SH2D3A: variants seen among roughly 807,000 people sequenced by gnomAD.
SH2D3A encodes the protein SH2 domain containing 3A.
A neutral mutation model predicts 50.6 loss-of-function variants in SH2D3A; 46 were observed. The ratio of observed to expected loss-of-function variants is 0.91; its 90% CI spans 0.72 to 1.16. The LOEUF (loss-of-function observed/expected upper bound fraction) is 1.16. Among genes scored for constraint, SH2D3A ranks in the 50% most tolerant of loss-of-function variants. The pLI, the probability that SH2D3A is intolerant of heterozygous loss-of-function variation, is 0.00. For synonymous variants in SH2D3A, 377 were observed against 348.4 expected, an observed-to-expected ratio of 1.08 and a Z score of -0.91; for missense variants, 783 against 786.2, an observed-to-expected ratio of 1.00 and a Z score of 0.05.
At position 6,753,653 on chromosome 19, in the gene SH2D3A, G is replaced by T. The variant is rs746129589; in HGVS notation, c.1385-12C>A. The stretch of plus-strand genomic sequence containing the variant: ...GGGGTCGCAGGGTCCTGCGGAGGGG[G>T]AGGGTCTGATCAGGGTTTGGGGCTG... On this transcript the variant is annotated splice_polypyrimidine_tract_variant and intron_variant, in intron 8 of 9. Coordinates refer to ENST00000245908, the MANE Select transcript of SH2D3A (RefSeq NM_005490.3). 47 of 1,553,188 alleles carry T rather than the reference G, an allele frequency of 3.0e-5. No individual in the cohort carries two copies. The highest frequency in any genetic ancestry group is 3.7e-5 in the Non-Finnish European group (43 of 1,151,164).
intron 1 of SH2D3A, among the ~76,000 whole-genome samples, chr19:6,765,915 T>C (rs1970282113): frequency 6.6e-6 from 1 of 152,196 alleles, no homozygotes; most frequent in African/African-American, 2.4e-5. Flanking sequence ...GACATTTTGG[T>C]AGTTTCCCGA....
Position 6,756,920 on chromosome 19 carries a change from C to T in SH2D3A, c.497-1605G>A, listed in dbSNP as rs145082762. Among the ~76,000 whole-genome samples, 9 of 152,090 alleles carry T rather than the reference C, an allele frequency of 5.9e-5. No homozygotes were observed. The East Asian group carries it at 1.7e-3, about 29-fold the overall frequency. ...GGAGTCTCACTCTGTCACCAGGCTA[C>T]AGTGCAGTGGCGCCATCTCGGCTTA... On this transcript the variant is annotated intron_variant, in intron 4 of 9. Coordinates refer to ENST00000245908, the MANE Select transcript of SH2D3A (RefSeq NM_005490.3).
chr19:6,755,536 T>C (rs1226615748), intron 4 of SH2D3A, among the ~76,000 whole-genome samples: 1 of 152,022 alleles, frequency 6.6e-6, no homozygotes, highest in Non-Finnish European at 1.5e-5. Flanking sequence ...TCTATAGTTC[T>C]GTAAATTATT....
At chr19:6,753,897 GA>G (rs1969482685) in intron 8 of SH2D3A, among the ~76,000 whole-genome samples, 154 bp downstream of exon 8, 1 of 151,864 alleles carries the variant, frequency 6.6e-6, no homozygotes, top group African/African-American at 2.4e-5. Context: ...GGGGCCTAGG[GA>G]AAGGGCCAGG....
At chr19:6,756,460 TAA>T (rs112582347) in intron 4 of SH2D3A, among the ~76,000 whole-genome samples, 1 of 150,876 alleles carries the variant, frequency 6.6e-6, no homozygotes, top group African/African-American at 2.4e-5. Context: ...TATTTCTTCT[TAA>T]AAAAAAAGAT....
At chr19:6,755,614 C>T (rs897843197) in intron 4 of SH2D3A, among the ~76,000 whole-genome samples, 12 of 149,310 alleles carry the variant, frequency 8.0e-5, no homozygotes, top group Admixed American at 2.7e-4. Flanking sequence ...GTCTGGAATT[C>T]CTAGTCTCAA....
At position 6,752,533 on chromosome 19, in the gene SH2D3A, T is replaced by C; in HGVS notation, c.*60A>G. On this transcript the variant is annotated 3_prime_UTR_variant, in exon 10 of 10. Transcript: ENST00000245908. Reference sequence around the variant, plus strand: ...GAGGAGCCTGGGACGACTCCTTTGGTCTCTTCTGGGGTTCGCAAAAACCTG... The same window carrying C: ...GAGGAGCCTGGGACGACTCCTTTGGCCTCTTCTGGGGTTCGCAAAAACCTG... 7.1e-7 allele frequency: 1 copy of C among 1,403,418 alleles called. No individual in the cohort carries two copies. The highest frequency in any genetic ancestry group is 1.5e-5 in the South Asian group (1 of 66,484). The allele number at this position is 1,403,418 out of a possible 1,614,324, so 86.9% of individuals were successfully genotyped here.
intron 8 of SH2D3A, 39 bp downstream of exon 8, chr19:6,754,013 G>A: frequency 6.5e-7 from 1 of 1,548,124 alleles, no homozygotes; most frequent in East Asian, 2.3e-5. Flanking sequence ...AATTTGGTCT[G>A]GGCCCCCAGG....
rs751156704 is a variant in SH2D3A, at chr19:6,753,509, T to C, written c.1517A>G (p.His506Arg). The C allele has an allele frequency of 1.3e-6, 2 of 1,556,256 alleles. No homozygotes were observed. Among genetic ancestry groups the C allele is most frequent in the Non-Finnish European group, 8.7e-7 (1 of 1,150,492 alleles). ...GAATTTGGGTGCGTCCCGGACCATGTGACGCGCCCCGTGCAGGGTGCGCAA... is the reference window on the plus strand; with the variant it reads ...GAATTTGGGTGCGTCCCGGACCATGCGACGCGCCCCGTGCAGGGTGCGCAA... ...RLLRTLHGAR[H>R]MVRDAPKFRK... The change falls in exon 9 of 10, where the codon CAC becomes CGC. Residue 506 changes from histidine to arginine, a missense_variant. His to Arg is a conservative substitution (Grantham distance 29). Transcript: ENST00000245908.
rs1159499151 is a variant in SH2D3A, at chr19:6,753,175, G to A, written c.1570+281C>T. 3 of 985,194 alleles carry A rather than the reference G, an allele frequency of 3.0e-6. No homozygotes were observed. The African/African-American group carries it at 5.2e-5, about 17-fold the overall frequency. The allele number at this position is 985,194 out of a possible 1,614,324, so 61.0% of individuals were successfully genotyped here. On this transcript the variant is annotated intron_variant, in intron 9 of 9. Coordinates refer to ENST00000245908, the MANE Select transcript of SH2D3A (RefSeq NM_005490.3). ...TTGGGGATCGAGATCCCTGGGGGAC[G>A]GGATCGTCTTAGGTGGGAAGGGGGA...
intron 2 of SH2D3A, among the ~76,000 whole-genome samples, chr19:6,761,489 A>C (rs1970017479): frequency 6.6e-6 from 1 of 152,234 alleles, no homozygotes; most frequent in African/African-American, 2.4e-5. Context: ...TACAGCCACT[A>C]GCTGATGCTG....
chr19:6,752,541 G>A lies in SH2D3A; in HGVS notation c.*52C>T, dbSNP rs911294498. 30 of 1,456,836 alleles carry A rather than the reference G, an allele frequency of 2.1e-5. No individual in the cohort carries two copies. Among genetic ancestry groups the A allele is most frequent in the Non-Finnish European group, 2.6e-5 (28 of 1,095,692 alleles). 90.2% of individuals were successfully genotyped at this position (1,456,836 alleles called of 1,614,324 possible). On this transcript the variant is annotated 3_prime_UTR_variant, in exon 10 of 10. Transcript: ENST00000245908. ...TGGGACGACTCCTTTGGTCTCTTCT[G>A]GGGTTCGCAAAAACCTGGGGGTCCC...
intron 8 of SH2D3A, 40 bp from the exon 9 acceptor site, chr19:6,753,681 GA>G: frequency 3.3e-6 from 5 of 1,495,200 alleles, no homozygotes; most frequent in Non-Finnish European, 4.5e-6. Context: ...TGGGGCTGTA[GA>G]TGGGGCATAG....
rs1267708928 is a variant in SH2D3A at position 6,760,840 on chromosome 19, G to A, written c.217C>T (p.Arg73Ter). 3.7e-6 allele frequency: 6 copies of A among 1,614,126 alleles called. No individual in the cohort carries two copies. Among genetic ancestry groups the A allele is most frequent in the Non-Finnish European group, 5.1e-6 (6 of 1,180,048 alleles). Residue 73 changes from arginine to a stop codon, truncating the protein, a stop_gained, in exon 3 of 10, where the codon CGA (arginine) becomes TGA (stop). Transcript: ENST00000245908. LOFTEE classifies it high-confidence loss of function. ...FRVALRPRPG[R>*]PTALFQLEDE... ...TCCAGTTGAAAGAGGGCTGTGGGTC[G>A]GCCTGGCCGGGGACGCAGGGCCACA...
intron 4 of SH2D3A, among the ~76,000 whole-genome samples, chr19:6,756,280 G>T: frequency 6.7e-6 from 1 of 148,872 alleles, no homozygotes; most frequent in Non-Finnish European, 1.5e-5. Flanking sequence ...TACTTTTTTT[G>T]TGATAATATA....
At chr19:6,766,503 CAT>C (rs1291719312) in intron 1 of SH2D3A, among the ~76,000 whole-genome samples, 5 of 152,222 alleles carry the variant, frequency 3.3e-5, no homozygotes, top group Non-Finnish European at 7.3e-5. Flanking sequence ...GGATCATAAA[CAT>C]GTGTCCACGT....
In SH2D3A at chr19:6,763,763, CAG is replaced by C; in HGVS notation, c.-17_-16del. ...GGCACCTGCATGGAGCTCTTGGGAA[CAG>C]AGGGTGCCAGGGCTGAGCTCTGCAC... On this transcript the variant is annotated 5_prime_UTR_variant, in exon 2 of 10. Transcript: ENST00000245908. 2 of 1,611,204 alleles carry C rather than the reference CAG, an allele frequency of 1.2e-6. No homozygotes were observed. The highest frequency in any genetic ancestry group is 1.7e-6 in the Non-Finnish European group (2 of 1,178,904).
intron 8 of SH2D3A, 76 bp downstream of exon 8, chr19:6,753,976 G>C: frequency 1.4e-6 from 2 of 1,453,652 alleles, no homozygotes; most frequent in Non-Finnish European, 9.2e-7. Context: ...GCAGGGACTG[G>C]GCATAGGACT....
intron 8 of SH2D3A, 101 bp downstream of exon 8, chr19:6,753,951 G>A: frequency 7.3e-7 from 1 of 1,366,738 alleles, no homozygotes; most frequent in Non-Finnish European, 9.7e-7. Flanking sequence ...TGAAGGGACC[G>A]GGCCTAGAAC....
Sources: gnomAD v4.1 joint callset for allele counts (sites outside exome capture counted in the v4.1 genomes callset) on GRCh38, gnomAD v4.1.1 for gene constraint, MANE v1.5 for transcripts, NCBI Gene and HGNC (gene_info 2026-07-23, HGNC 2026-07-21) for gene names.